DDHD2: variants seen among roughly 807,000 people sequenced by gnomAD.
DDHD2 encodes triacylglycerol hydrolase DDHD2.
DDHD2 carries 62 observed loss-of-function variants against 91.2 expected under a neutral mutation model. The ratio of observed to expected loss-of-function variants is 0.68; its 90% confidence interval spans 0.55 to 0.84. The LOEUF (loss-of-function observed/expected upper bound fraction) is 0.84. Ranked by LOEUF, DDHD2 falls within the 40% of genes least tolerant of loss-of-function variation. The pLI is 0.00. For synonymous variants in DDHD2, 271 were observed against 293.9 expected (o/e 0.92, Z 0.80); for missense variants, 740 against 846.9 (o/e 0.87, Z 1.57).
At chr8:38,247,889 A>G in intron 10 of DDHD2, 54 bp downstream of exon 10, 2 of 1,422,104 alleles carry the variant, frequency 1.4e-6, no homozygotes, top group Non-Finnish European at 1.9e-6. Flanking sequence ...ATTTTTGTTT[A>G]TCGTGTTTAC....
rs143782453 is a variant in DDHD2 at position 38,237,581 on chromosome 8, A to G, written c.455A>G (p.Lys152Arg). Residue 152 changes from lysine to arginine, a missense_variant, in exon 4 of 18, where the codon AAA becomes AGA. By Grantham distance (26) the Lys-to-Arg change is conservative. Transcript: ENST00000397166. ...GTAACTTTGGATGAATGGAAAAAGA[A>G]ACTGGAATCTCCCAACAGAGAAATT... ...LAVTLDEWKK[K>R]LESPNREIII... is the part of the protein sequence containing the mutation. 24 of 1,597,652 alleles carry G rather than the reference A, an allele frequency of 1.5e-5. No homozygotes were observed. In the African/African-American group the frequency reaches 3.2e-4, roughly 22 times the overall value.
chr8:38,265,216 A>G (rs1758457747), downstream of DDHD2: 1 of 309,516 alleles, frequency 3.2e-6, no homozygotes, highest in African/African-American at 2.3e-5. Flanking sequence ...CAGTGAGCCG[A>G]GATGGTGCCA....
intron 1 of DDHD2, chr8:38,268,938 A>ACAT (rs1321682740): frequency 1.3e-6 from 2 of 1,563,272 alleles, no homozygotes; most frequent in South Asian, 1.2e-5. Context: ...CGGTAGAGCC[A>ACAT]CATCTCCTCC....
intron 3 of DDHD2, among the ~76,000 whole-genome samples, chr8:38,236,236 G>T (rs953002526): frequency 2.7e-5 from 4 of 150,572 alleles, no homozygotes; most frequent in Non-Finnish European, 4.4e-5. Context: ...ATGGTCTCAA[G>T]CTCCTGACCT....
intron 6 of DDHD2, among the ~76,000 whole-genome samples, chr8:38,241,366 GT>G (rs1805244351): frequency 6.6e-6 from 1 of 151,308 alleles, no homozygotes; most frequent in African/African-American, 2.4e-5. Context: ...TGATGCCGAC[GT>G]TTTGAAGTTT....
downstream of DDHD2, chr8:38,272,986 T>A (rs967979014): frequency 6.6e-6 from 1 of 152,220 alleles, no homozygotes; most frequent in African/African-American, 2.4e-5. Flanking sequence ...AAAACCGCTT[T>A]TTAGACCATT....
downstream of DDHD2, chr8:38,266,935 T>A: frequency 1.4e-6 from 1 of 694,808 alleles, no homozygotes; most frequent in Non-Finnish European, 2.0e-6. Flanking sequence ...GAGCTATAAT[T>A]AGGTAAGAAA....
intron 1 of DDHD2, chr8:38,268,742 C>A (rs1329037417): frequency 2.0e-5 from 28 of 1,433,742 alleles, no homozygotes; most frequent in Middle Eastern, 5.0e-4. Context: ...AACACTCGAG[C>A]CCTAGGAGGC....
At chr8:38,267,042 A>C, downstream of DDHD2, 1 of 1,416,206 alleles carries the variant, frequency 7.1e-7, no homozygotes, top group Non-Finnish European at 9.2e-7. Flanking sequence ...ATAATATAAC[A>C]ATTAAATGTG....
intron 9 of DDHD2, chr8:38,246,954 CTG>C (rs968557142): frequency 6.6e-6 from 1 of 152,202 alleles, no homozygotes; most frequent in Non-Finnish European, 1.5e-5. Flanking sequence ...TATAGAAACT[CTG>C]TTCGAAAGTA....
At chr8:38,253,831 G>A in intron 16 of DDHD2, 113 bp downstream of exon 16, 1 of 1,137,308 alleles carries the variant, frequency 8.8e-7, no homozygotes, top group Non-Finnish European at 1.3e-6. Context: ...TATAATCTCA[G>A]CACTTTGGGA....
chr8:38,237,608 T>C lies in DDHD2; in HGVS notation c.482T>C (p.Ile161Thr). 5.7e-6 allele frequency: 9 copies of C among 1,578,946 alleles called. No homozygotes were observed. The highest frequency in any genetic ancestry group is 7.8e-6 in the Non-Finnish European group (9 of 1,156,974). ...CTGGAATCTCCCAACAGAGAAATTA[T>C]TATTTTACACAATCCAAAGGTAAAA... is the stretch of plus-strand genomic sequence containing the variant. Reference protein sequence around the residue: ...KKLESPNREIIILHNPKLMVH... With the variant: ...KKLESPNREITILHNPKLMVH... Residue 161 changes from isoleucine (I) to threonine (T), a missense_variant, in exon 4 of 18, where the codon ATT becomes ACT. Ile to Thr is a moderately conservative substitution (Grantham distance 89, BLOSUM62 -1). Coordinates refer to ENST00000397166, the MANE Select transcript of DDHD2 (RefSeq NM_015214.3).
intron 1 of DDHD2, chr8:38,269,374 C>G: frequency 1.6e-6 from 1 of 643,652 alleles, no homozygotes; most frequent in Non-Finnish European, 2.4e-6. Flanking sequence ...GCAAAGCCAG[C>G]GGAGCTGCCC....
At chr8:38,245,690 A>G (rs889734283) in intron 7 of DDHD2, 52 bp from the exon 8 acceptor site, 38 of 1,479,078 alleles carry the variant, frequency 2.6e-5, no homozygotes, top group Admixed American at 8.6e-5. Context: ...AATTGGAAGC[A>G]GCTATTAAGT....
At chr8:38,260,412 T>C (rs752095015) in intron 17 of DDHD2, among the ~76,000 whole-genome samples, 188 bp from the exon 18 acceptor site, 1 of 152,216 alleles carries the variant, frequency 6.6e-6, no homozygotes, top group Non-Finnish European at 1.5e-5. Flanking sequence ...ACTCAGAGTT[T>C]TAATGGTTCT....
Position 38,245,716 on chromosome 8 carries a change from G to C in DDHD2, c.849-26G>C, listed in dbSNP as rs374244663. 33 of 1,605,216 alleles carry C rather than the reference G, an allele frequency of 2.1e-5. No homozygotes were observed. In the African/African-American group the frequency reaches 4.1e-4, roughly 20 times the overall value. On this transcript the variant is annotated intron_variant, in intron 7 of 17. Transcript: ENST00000397166. ...GCTATTAAGTGTATTTAGGTTTCCT[G>C]CTTATATTATTTTTCCTTTTTTCAG...
At chr8:38,266,739 G>A (rs1204782063), downstream of DDHD2, among the ~76,000 whole-genome samples, 1 of 152,144 alleles carries the variant, frequency 6.6e-6, no homozygotes, top group African/African-American at 2.4e-5. Flanking sequence ...TACTTATAGT[G>A]TAAGTCATTG....
Position 38,261,031 on chromosome 8 carries a change from T to C in DDHD2, c.*458T>C, listed in dbSNP as rs897601870. ...CAGAAGGCATTTTGGAGTACACTTA[T>C]CTCTTGTTTGTGTTGAACTGAAGGC... On this transcript the variant is annotated 3_prime_UTR_variant, in exon 18 of 18. Transcript: ENST00000397166. The C allele has an allele frequency of 6.6e-6, 1 of 152,004 alleles. No homozygotes were observed. The highest frequency in any genetic ancestry group is 2.4e-5 in the African/African-American group (1 of 41,438). The allele number at this position is 152,004 out of a possible 1,614,324, so 9.4% of individuals were successfully genotyped here.
intron 16 of DDHD2, among the ~76,000 whole-genome samples, chr8:38,255,685 T>G: frequency 6.6e-6 from 1 of 152,128 alleles, no homozygotes; most frequent in East Asian, 1.9e-4. Flanking sequence ...TATTATATGT[T>G]GTTTCCTCAT....
Sources: gnomAD v4.1 joint callset for allele counts (sites outside exome capture counted in the v4.1 genomes callset) on GRCh38, gnomAD v4.1.1 for gene constraint, MANE v1.5 for transcripts, NCBI Gene and HGNC (gene_info 2026-07-23, HGNC 2026-07-21) for gene names.